The following PAWR variants were observed in gnomAD, a reference collection of about 807,000 sequenced individuals.
PAWR encodes the protein pro-apoptotic WT1 regulator, also known as PRKC apoptosis WT1 regulator protein.
A neutral mutation model predicts 32.0 loss-of-function variants in PAWR; 23 were observed. That is an observed-to-expected ratio of 0.72 (90% CI 0.52 to 1.02). The LOEUF (loss-of-function observed/expected upper bound fraction) is 1.02. Among genes scored for constraint, PAWR ranks in the 50% least tolerant of loss-of-function variants. The pLI is 0.00. For missense variants in PAWR, 457 were observed against 437.7 expected (o/e 1.04, Z -0.39); for synonymous variants, 226 against 187.1 (o/e 1.21, Z -1.70).
intron 2 of PAWR, among the ~76,000 whole-genome samples, chr12:79,641,033 T>C (rs1393536769): frequency 6.6e-6 from 1 of 152,230 alleles, no homozygotes; most frequent in Non-Finnish European, 1.5e-5. Flanking sequence ...CCTAATTTTA[T>C]CTAATTACCA....
intron 4 of PAWR, among the ~76,000 whole-genome samples, chr12:79,603,012 CAGG>C (rs954840877): frequency 2.0e-5 from 3 of 152,090 alleles, no homozygotes; most frequent in Non-Finnish European, 2.9e-5. Flanking sequence ...GGGGCCAAGG[CAGG>C]AGGACTGCTT....
intron 2 of PAWR, among the ~76,000 whole-genome samples, chr12:79,675,305 G>A (rs1473388295): frequency 6.6e-6 from 1 of 152,144 alleles, no homozygotes; most frequent in Non-Finnish European, 1.5e-5. Flanking sequence ...CTTGAGCCTG[G>A]AAGGTGGAGG....
intron 2 of PAWR, among the ~76,000 whole-genome samples, chr12:79,679,638 G>T (rs1181876540): frequency 6.6e-6 from 1 of 152,188 alleles, no homozygotes; most frequent in East Asian, 1.9e-4. Context: ...TACGGCAGTA[G>T]TATTAGCCTG....
At chr12:79,620,380 T>C (rs925307068) in intron 3 of PAWR, among the ~76,000 whole-genome samples, 32 of 152,118 alleles carry the variant, frequency 2.1e-4, no homozygotes, top group African/African-American at 7.7e-4. Flanking sequence ...TATCAGAACC[T>C]GTCATAAAGA....
At chr12:79,657,120 A>C (rs1421461869) in intron 2 of PAWR, among the ~76,000 whole-genome samples, 1 of 152,226 alleles carries the variant, frequency 6.6e-6, no homozygotes, top group Non-Finnish European at 1.5e-5. Flanking sequence ...GGCAACATGA[A>C]TGAATCTCAA....
At chr12:79,643,771 A>G (rs1876442795) in intron 2 of PAWR, among the ~76,000 whole-genome samples, 2 of 152,206 alleles carry the variant, frequency 1.3e-5, no homozygotes, top group East Asian at 3.8e-4. Flanking sequence ...GCTATGTGAA[A>G]AGAGATACTC....
At chr12:79,676,004 C>T (rs536329904) in intron 2 of PAWR, among the ~76,000 whole-genome samples, 24 of 151,622 alleles carry the variant, frequency 1.6e-4, no homozygotes, top group African/African-American at 5.6e-4. Flanking sequence ...TGACCCTGAT[C>T]GCATTATGAA....
intron 4 of PAWR, among the ~76,000 whole-genome samples, chr12:79,609,575 A>T (rs765566697): frequency 5.9e-5 from 9 of 151,908 alleles, no homozygotes; most frequent in Non-Finnish European, 1.0e-4. Context: ...CAGAGAGGAG[A>T]GGAAGAGAAG....
At chr12:79,606,197 TA>T (rs1267801581) in intron 4 of PAWR, among the ~76,000 whole-genome samples, 3 of 152,116 alleles carry the variant, frequency 2.0e-5, no homozygotes, top group Non-Finnish European at 4.4e-5. Context: ...CTGGGGGACC[TA>T]GGGGCAGAGG....
At position 79,596,493 on chromosome 12, in the gene PAWR, A is replaced by C. The variant is rs2307222; in HGVS notation, c.831+18T>G. 26 of 1,310,240 alleles carry C rather than the reference A, an allele frequency of 2.0e-5. 1 individual carries two copies. In the South Asian group the frequency reaches 3.6e-4, roughly 18 times the overall value. 81.2% of individuals were successfully genotyped at this position (1,310,240 alleles called of 1,614,324 possible). On this transcript the variant is annotated intron_variant, in intron 5 of 6. Transcript: ENST00000328827. Reference sequence around the variant, plus strand: ...GGTATATTAATTTTATCAATCTTAAATAACTTATAATCCATACCTTTTCAA... The same window carrying C: ...GGTATATTAATTTTATCAATCTTAACTAACTTATAATCCATACCTTTTCAA...
At chr12:79,648,801 A>T (rs1259533520) in intron 2 of PAWR, among the ~76,000 whole-genome samples, 1 of 151,602 alleles carries the variant, frequency 6.6e-6, no homozygotes, top group Non-Finnish European at 1.5e-5. Flanking sequence ...TAGAAAAAAA[A>T]AAATAAAAAA....
At chr12:79,630,983 A>G (rs1486912834) in intron 2 of PAWR, among the ~76,000 whole-genome samples, 1 of 152,192 alleles carries the variant, frequency 6.6e-6, no homozygotes, top group Non-Finnish European at 1.5e-5. Flanking sequence ...AAGGACAATG[A>G]CCAAAATGGG....
chr12:79,688,209 G>C (rs1423054658), intron 2 of PAWR, among the ~76,000 whole-genome samples: 1 of 148,724 alleles, frequency 6.7e-6, no homozygotes, highest in African/African-American at 2.5e-5. Flanking sequence ...ACTTCCCCCA[G>C]TAAACATTAC....
At chr12:79,619,595 C>G (rs1459001796) in intron 3 of PAWR, among the ~76,000 whole-genome samples, 1 of 152,136 alleles carries the variant, frequency 6.6e-6, no homozygotes, top group Non-Finnish European at 1.5e-5. Flanking sequence ...TGGAACATAA[C>G]TCCCTTTGAT....
intron 2 of PAWR, among the ~76,000 whole-genome samples, chr12:79,632,343 A>T (rs1183723063): frequency 1.2e-4 from 7 of 58,238 alleles, no homozygotes; most frequent in African/African-American, 3.6e-4. Context: ...ATATATATAT[A>T]TATATATATA....
At position 79,594,344 on chromosome 12, in the gene PAWR, A is replaced by C. The variant is rs780567036; in HGVS notation, c.921T>G (p.Ile307Met). The change falls in exon 6 of 7, where the codon ATT (isoleucine) becomes ATG (methionine). Residue 307 changes from isoleucine to methionine, a missense_variant. By Grantham distance (10) the Ile-to-Met change is conservative. Transcript: ENST00000328827. The stretch of plus-strand genomic sequence containing the variant: ...AAATACTTACTCTATTTAATAAATC[A>C]ATTTCTTCTTTGAGTTTTCCAATCA... ...EEMIGKLKEE[I>M]DLLNRDLDDI... The C allele has an allele frequency of 4.7e-6, 7 of 1,486,622 alleles. No individual in the cohort carries two copies. The African/African-American group carries it at 7.0e-5, about 15-fold the overall frequency. The allele number at this position is 1,486,622 out of a possible 1,614,324, so 92.1% of individuals were successfully genotyped here.
intron 4 of PAWR, among the ~76,000 whole-genome samples, chr12:79,597,310 C>T (rs770064957): frequency 1.3e-5 from 2 of 152,030 alleles, no homozygotes; most frequent in Non-Finnish European, 2.9e-5. Context: ...AGCGATCCAC[C>T]CACCTCGGCC....
intron 4 of PAWR, among the ~76,000 whole-genome samples, chr12:79,601,031 A>C (rs1319802833): frequency 1.3e-5 from 2 of 152,062 alleles, no homozygotes; most frequent in African/African-American, 4.8e-5. Flanking sequence ...CAAGGACTAC[A>C]CTTTGGGTAT....
At chr12:79,645,036 CCACACACACACACA>C (rs60664351) in intron 2 of PAWR, among the ~76,000 whole-genome samples, 1 of 119,908 alleles carries the variant, frequency 8.3e-6, no homozygotes, top group Non-Finnish European at 1.9e-5. Context: ...TCCACCCCCA[CCACACACACACACA>C]CACACACACA....
Sources: allele counts gnomAD v4.1 joint callset (sites outside exome capture counted in the v4.1 genomes callset), GRCh38; gene constraint gnomAD v4.1.1; transcripts MANE v1.5; gene names NCBI Gene and HGNC (gene_info 2026-07-23, HGNC 2026-07-21).